Variants in NBAS observed in about 807,000 individuals in gnomAD.
NBAS encodes NBAS subunit of NRZ tethering complex.
In NBAS, 219 loss-of-function variants were observed where a neutral mutation model predicts 302.5. That is an observed-to-expected ratio of 0.72 (90% CI 0.65 to 0.81). NBAS has a LOEUF of 0.81. NBAS is among the 30% of genes least tolerant of loss of function. The pLI is 0.00. For missense variants in NBAS, 2,932 were observed against 2,841.6 expected (o/e 1.03, Z -0.72); for synonymous variants, 1,118 against 1,021.6 (o/e 1.09, Z -1.80).
the NBAS span, among the ~76,000 whole-genome samples, chr2:15,003,169 G>A: frequency 1.1e-4 from 16 of 152,352 alleles, no homozygotes; most frequent in African/African-American, 3.8e-4. Context: ...CAGAAGTCAA[G>A]GCAGGCTTTT....
At chr2:15,053,435 A>G in the NBAS span, among the ~76,000 whole-genome samples, 1 of 152,200 alleles carries the variant, frequency 6.6e-6, no homozygotes, top group Admixed American at 6.5e-5. Context: ...GCCTCGGTTC[A>G]CCCACAAAAT....
At chr2:15,034,688 AT>A in the NBAS span, among the ~76,000 whole-genome samples, 1 of 152,064 alleles carries the variant, frequency 6.6e-6, no homozygotes, top group South Asian at 2.1e-4. Flanking sequence ...ACTCCCTAGT[AT>A]TTTTTTCTTT....
At chr2:15,540,818 G>A (rs1015115038) in intron 6 of NBAS, among the ~76,000 whole-genome samples, 2 of 152,144 alleles carry the variant, frequency 1.3e-5, no homozygotes, top group South Asian at 2.1e-4. Flanking sequence ...CATCTCCTGG[G>A]CTCAAGCAAT....
At position 15,353,601 on chromosome 2, in the gene NBAS, A is replaced by G; in HGVS notation, c.4041T>C (p.Pro1347=). The change falls in exon 34 of 52, where the codon CCT becomes CCC. Residue 1347 remains proline, a synonymous_variant. Transcript: ENST00000281513. The part of the protein sequence containing the change: ...LMAFALTHCP[P]SSIELLLAAS... ...CTGCCAAAAGAAGTTCAATGCTGCTAGGAGGGCAATGTGTCAAAGCAAAAG... is the reference window on the plus strand; with the variant it reads ...CTGCCAAAAGAAGTTCAATGCTGCTGGGAGGGCAATGTGTCAAAGCAAAAG... 6.2e-7 allele frequency: 1 copy of G among 1,614,038 alleles called. No individual in the cohort carries two copies. Among genetic ancestry groups the G allele is most frequent in the Non-Finnish European group, 8.5e-7 (1 of 1,179,934 alleles).
intron 33 of NBAS, among the ~76,000 whole-genome samples, chr2:15,354,576 G>A (rs922572583): frequency 3.9e-5 from 6 of 152,136 alleles, no homozygotes; most frequent in Non-Finnish European, 7.3e-5. Context: ...AAATCACTCG[G>A]TTAATATTAT....
At chr2:15,115,021 G>A in the NBAS span, among the ~76,000 whole-genome samples, 633 of 152,216 alleles carry the variant, frequency 4.2e-3, 8 homozygotes, top group Middle Eastern at 0.017. Context: ...TACCAGTAGC[G>A]TTTCCTTTAT....
Position 15,308,346 on chromosome 2 carries a change from T to C in NBAS, c.4667A>G (p.Asp1556Gly). ...CTGCTTTTCAAAGCACCGGTTAGCA[T>C]CTAACACCTAGGAGGGAACATGTTA... Reference protein sequence around the residue: ...AYLLALPQVLDANRCFEKQSP... With the variant: ...AYLLALPQVLGANRCFEKQSP... Residue 1556 changes from aspartate (D) to glycine (G), a missense_variant, in exon 40 of 52, where the codon GAT becomes GGT. By Grantham distance (94) the Asp-to-Gly change is moderately conservative (BLOSUM62 -1). Coordinates refer to ENST00000281513, the MANE Select transcript of NBAS (RefSeq NM_015909.4). 1 of 1,614,026 alleles carries C rather than the reference T, an allele frequency of 6.2e-7. No homozygotes were observed. The highest frequency in any genetic ancestry group is 8.5e-7 in the Non-Finnish European group (1 of 1,179,990).
chr2:15,115,833 A>G, the NBAS span, among the ~76,000 whole-genome samples: 1 of 152,170 alleles, frequency 6.6e-6, no homozygotes, highest in Non-Finnish European at 1.5e-5. Context: ...TAATAGAACT[A>G]TCATCCTAGG....
chr2:15,132,864 T>TAA, the NBAS span, among the ~76,000 whole-genome samples: 726 of 146,456 alleles, frequency 5.0e-3, 8 homozygotes, highest in Non-Finnish European at 7.6e-3. Flanking sequence ...ACAAACACAC[T>TAA]AAAAAAAAAA....
chr2:14,853,920 G>T, the NBAS span, among the ~76,000 whole-genome samples: 5 of 112,782 alleles, frequency 4.4e-5, no homozygotes, highest in African/African-American at 6.8e-5. Context: ...TGGGGACTGT[G>T]GTGGGGTGGG....
chr2:15,534,180 A>G (rs1663367690), intron 9 of NBAS, among the ~76,000 whole-genome samples: 1 of 152,202 alleles, frequency 6.6e-6, no homozygotes, highest in Non-Finnish European at 1.5e-5. Context: ...GAAGGGAAGT[A>G]GCATCTACTG....
At chr2:15,098,859 A>G in the NBAS span, among the ~76,000 whole-genome samples, 1 of 151,230 alleles carries the variant, frequency 6.6e-6, no homozygotes, top group East Asian at 1.9e-4. Context: ...CTCGTATAAA[A>G]AAACAGAGTT....
chr2:15,208,322 A>C (rs1666242481), intron 48 of NBAS, among the ~76,000 whole-genome samples: 1 of 152,210 alleles, frequency 6.6e-6, no homozygotes, highest in African/African-American at 2.4e-5. Context: ...AGTATGGGGG[A>C]AAGTGCCCCC....
chr2:15,327,948 G>A, intron 37 of NBAS, 78 bp from the exon 38 acceptor site: 6 of 1,561,472 alleles, frequency 3.8e-6, no homozygotes, highest in Non-Finnish European at 5.3e-6. Context: ...ACAATTATAG[G>A]ATGTTATGTT....
chr2:15,189,303 G>A (rs1272938496), intron 49 of NBAS, among the ~76,000 whole-genome samples: 4 of 152,290 alleles, frequency 2.6e-5, no homozygotes, highest in South Asian at 2.1e-4. Context: ...TCCTTGGTTT[G>A]CTTTGGAAAT....
chr2:15,037,430 C>CG, the NBAS span, among the ~76,000 whole-genome samples: 146,668 of 151,864 alleles, frequency 0.97, 71,041 homozygotes, highest in East Asian at 1. Flanking sequence ...ACCCGCAAGG[C>CG]GGGGTACTAC....
At chr2:15,293,492 A>T (rs1405419406) in intron 40 of NBAS, among the ~76,000 whole-genome samples, 1 of 152,200 alleles carries the variant, frequency 6.6e-6, no homozygotes, top group Non-Finnish European at 1.5e-5. Context: ...AACTAGCCAC[A>T]TTTATTTATA....
chr2:14,828,179 G>T, the NBAS span, among the ~76,000 whole-genome samples: 2 of 151,676 alleles, frequency 1.3e-5, no homozygotes, highest in African/African-American at 4.8e-5. Context: ...TTACCTTCTA[G>T]AAAAAAAATA....
At chr2:15,480,000 C>A (rs552118626) in intron 12 of NBAS, among the ~76,000 whole-genome samples, 1 of 152,180 alleles carries the variant, frequency 6.6e-6, no homozygotes, top group Non-Finnish European at 1.5e-5. Flanking sequence ...TGATATAGTA[C>A]TAGGCTTCCT....
Sources: allele counts gnomAD v4.1 joint callset (sites outside exome capture counted in the v4.1 genomes callset), GRCh38; gene constraint gnomAD v4.1.1; transcripts MANE v1.5; gene names NCBI Gene and HGNC (gene_info 2026-07-23, HGNC 2026-07-21).